POTEF: variants seen among roughly 807,000 people sequenced by gnomAD.
POTEF encodes ANKRD26-like family C member 1B.
In POTEF, 20 loss-of-function variants were observed where a neutral mutation model predicts 83.2. The observed-to-expected ratio is 0.24, with a 90% CI of 0.17 to 0.35. The LOEUF (loss-of-function observed/expected upper bound fraction) is 0.35. Among genes scored for constraint, POTEF ranks in the 10% least tolerant of loss-of-function variants. The pLI, the probability that POTEF is intolerant of heterozygous loss-of-function variation, is 1.00. For synonymous variants in POTEF, 196 were observed against 446.4 expected (o/e 0.44, Z 7.07); for missense variants, 550 against 1,203.2 (o/e 0.46, Z 8.03).
At chr2:130,116,600 A>AG (rs1684852023) in intron 3 of POTEF, among the ~76,000 whole-genome samples, 1 of 101,686 alleles carries the variant, frequency 9.8e-6, no homozygotes, top group Non-Finnish European at 2.0e-5. Context: ...AAGAACATGC[A>AG]ATATTTGGTT....
chr2:130,103,696 G>T (rs1243430616), intron 8 of POTEF, among the ~76,000 whole-genome samples: 1 of 150,644 alleles, frequency 6.6e-6, no homozygotes, highest in Admixed American at 6.6e-5. Context: ...AATAAAGCAT[G>T]TCAGGGATGG....
chr2:130,113,086 T>C (rs1484563941), intron 5 of POTEF, among the ~76,000 whole-genome samples: 2 of 142,216 alleles, frequency 1.4e-5, no homozygotes, highest in East Asian at 4.0e-4. Context: ...ACCACAGAGA[T>C]AAAAGTCAGA....
At chr2:130,127,219 G>C (rs1184825072) in intron 2 of POTEF, among the ~76,000 whole-genome samples, 2 of 149,836 alleles carry the variant, frequency 1.3e-5, no homozygotes, top group Non-Finnish European at 3.0e-5. Context: ...CAGCTACTAG[G>C]GAGGCTGAGG....
At chr2:130,103,718 A>C (rs956578801) in intron 8 of POTEF, among the ~76,000 whole-genome samples, 11 of 149,866 alleles carry the variant, frequency 7.3e-5, no homozygotes, top group East Asian at 2.0e-4. Context: ...TTTTCTAGAA[A>C]ACATGCCCAA....
At chr2:130,109,186 G>T (rs1186650488) in intron 7 of POTEF, 1 of 150,924 alleles carries the variant, frequency 6.6e-6, no homozygotes, top group East Asian at 1.9e-4. Context: ...ATAGTCAAAT[G>T]ACCTTCCAGT....
intron 1 of POTEF, among the ~76,000 whole-genome samples, chr2:130,128,549 C>T (rs1573621323): frequency 1.1e-4 from 2 of 18,952 alleles, no homozygotes; most frequent in African/African-American, 4.0e-4. Flanking sequence ...AACCCCAATA[C>T]CCCCCCCAAC....
chr2:130,106,899 T>C (rs201346817), intron 8 of POTEF, among the ~76,000 whole-genome samples: 7 of 149,732 alleles, frequency 4.7e-5, no homozygotes, highest in Non-Finnish European at 7.4e-5. Flanking sequence ...TTGTAAATTC[T>C]GTTGAAAAAG....
intron 1 of POTEF, among the ~76,000 whole-genome samples, chr2:130,128,832 G>T (rs1187475661): frequency 4.7e-5 from 2 of 42,438 alleles, no homozygotes; most frequent in African/African-American, 1.8e-4. Flanking sequence ...CCCCTCCCCC[G>T]CCACCGGCAG....
chr2:130,113,496 T>A (rs1020623738), intron 5 of POTEF, among the ~76,000 whole-genome samples: 1 of 122,984 alleles, frequency 8.1e-6, no homozygotes, highest in Non-Finnish European at 1.7e-5. Context: ...CAGGAGTGTA[T>A]CCAGATTTTG....
chr2:130,078,319 A>G (rs1197777920), intron 15 of POTEF, among the ~76,000 whole-genome samples: 1 of 90,942 alleles, frequency 1.1e-5, no homozygotes, highest in Non-Finnish European at 2.4e-5. Context: ...CCAAGCTGAG[A>G]GTTCATATCA....
intron 8 of POTEF, 71 bp downstream of exon 8, chr2:130,107,938 A>T (rs1684588631): frequency 1.9e-6 from 3 of 1,601,486 alleles, no homozygotes; most frequent in Non-Finnish European, 2.6e-6. Flanking sequence ...ATTGTCTTCC[A>T]CAAAACCGGT....
intron 3 of POTEF, among the ~76,000 whole-genome samples, chr2:130,117,935 C>CTTT (rs58113059): frequency 2.2e-5 from 1 of 45,050 alleles, no homozygotes; most frequent in African/African-American, 3.9e-5. Context: ...TATTTCATTC[C>CTTT]TTTTTTTTTT....
At chr2:130,119,368 G>A (rs1412404046) in intron 3 of POTEF, among the ~76,000 whole-genome samples, 1 of 151,744 alleles carries the variant, frequency 6.6e-6, no homozygotes, top group Non-Finnish European at 1.5e-5. Context: ...GGGTTTCACC[G>A]TGTTAGCCAG....
chr2:130,109,115 T>C (rs1261161195), intron 7 of POTEF: 3 of 151,268 alleles, frequency 2.0e-5, no homozygotes, highest in Non-Finnish European at 4.4e-5. Flanking sequence ...ACAATTTCAA[T>C]ATTTGGGTGG....
chr2:130,120,594 C>G lies in POTEF; in HGVS notation c.-79G>C. ...ACCAGTTTCACCAACTAGCAGGTAA[C>G]TCCGGGTTTCCAATCTGTTTGAAGA... On this transcript the variant is annotated 5_prime_UTR_variant, in exon 3 of 17. Transcript: ENST00000409914. 6.3e-7 allele frequency: 1 copy of G among 1,598,460 alleles called. No individual in the cohort carries two copies. Among genetic ancestry groups the G allele is most frequent in the South Asian group, 1.1e-5 (1 of 88,630 alleles).
In POTEF at chr2:130,117,131, T is replaced by A. The variant is rs531633555; in HGVS notation, c.522-1803A>T. Among the ~76,000 whole-genome samples, 158 of 151,966 alleles carry A rather than the reference T, an allele frequency of 1.0e-3. 2 individuals carry two copies. Among genetic ancestry groups the A allele is most frequent in the Non-Finnish European group, 1.0e-4 (7 of 68,024 alleles). ...AGTAATAATCACTTACATTTGCTAT[T>A]TTAATTTTCATAAACATATAACTCA... On this transcript the variant is annotated intron_variant, in intron 3 of 16. Coordinates refer to ENST00000409914, the MANE Select transcript of POTEF (RefSeq NM_001099771.2).
chr2:130,116,372 C>T (rs1326064867), intron 3 of POTEF, among the ~76,000 whole-genome samples: 42 of 148,662 alleles, frequency 2.8e-4, no homozygotes, highest in African/African-American at 8.9e-4. Context: ...CAGGGGTACA[C>T]GTGCCAGATG....
intron 3 of POTEF, among the ~76,000 whole-genome samples, chr2:130,119,440 G>A (rs1255480079): frequency 9.9e-5 from 15 of 151,926 alleles, no homozygotes; most frequent in East Asian, 3.9e-4. Flanking sequence ...GATTACAGGC[G>A]TGAGCCACCG....
intron 5 of POTEF, among the ~76,000 whole-genome samples, chr2:130,113,022 G>T (rs3958686): frequency 6.6e-6 from 1 of 151,000 alleles, no homozygotes; most frequent in Admixed American, 6.6e-5. Flanking sequence ...GAAGGAAAAG[G>T]TATTATTCTG....
Sources: allele counts gnomAD v4.1 joint callset (sites outside exome capture counted in the v4.1 genomes callset), GRCh38; gene constraint gnomAD v4.1.1; transcripts MANE v1.5; gene names NCBI Gene and HGNC (gene_info 2026-07-23, HGNC 2026-07-21).